Variants in PRICKLE1 observed in about 807,000 individuals in gnomAD.
PRICKLE1 encodes prickle-like protein 1.
PRICKLE1 carries 14 observed loss-of-function variants against 70.2 expected under a neutral mutation model. That is an observed-to-expected ratio of 0.20 (90% CI 0.13 to 0.31). The LOEUF is 0.31. PRICKLE1 is among the 10% of genes least tolerant of loss of function. The probability of loss-of-function intolerance (pLI) is 1.00; values close to 1 mark genes in which losing one functional copy is unlikely to be tolerated. For synonymous variants in PRICKLE1, 357 were observed against 379.9 expected (o/e 0.94, Z 0.70); for missense variants, 821 against 1,026.2 (o/e 0.80, Z 2.73).
intron 1 of PRICKLE1, among the ~76,000 whole-genome samples, chr12:42,522,489 C>A (rs1593153385): frequency 6.6e-6 from 1 of 152,042 alleles, no homozygotes; most frequent in East Asian, 1.9e-4. Flanking sequence ...GCAAGAGAAC[C>A]AGATCAAATC....
chr12:42,508,705 C>A (rs1182656859), intron 1 of PRICKLE1, among the ~76,000 whole-genome samples: 1 of 152,044 alleles, frequency 6.6e-6, no homozygotes, highest in Non-Finnish European at 1.5e-5. Flanking sequence ...AGACAGGTAC[C>A]AGAAGCAGTG....
intron 1 of PRICKLE1, among the ~76,000 whole-genome samples, chr12:42,493,513 C>T (rs960479344): frequency 1.3e-5 from 2 of 152,146 alleles, no homozygotes; most frequent in Admixed American, 1.3e-4. Flanking sequence ...GCCTGAATTT[C>T]TAAATCATAT....
chr12:42,484,534 T>C (rs1938936089), intron 1 of PRICKLE1: 1 of 152,222 alleles, frequency 6.6e-6, no homozygotes, highest in African/African-American at 2.4e-5. Context: ...TTTCCCTGCA[T>C]TTCGGAGTGA....
At chr12:42,468,957 T>A in intron 4 of PRICKLE1, 128 bp from the exon 5 acceptor site, 2 of 854,050 alleles carry the variant, frequency 2.3e-6, no homozygotes, top group Non-Finnish European at 3.8e-6. Flanking sequence ...TTTTAGTGAT[T>A]AAATAGCTCT....
intron 1 of PRICKLE1, among the ~76,000 whole-genome samples, chr12:42,474,216 G>A (rs1315100138): frequency 6.6e-6 from 1 of 152,194 alleles, no homozygotes; most frequent in Admixed American, 6.5e-5. Flanking sequence ...AGGTTGCAGT[G>A]AGCTGAGATT....
intron 5 of PRICKLE1, among the ~76,000 whole-genome samples, chr12:42,467,317 A>G (rs1938135135): frequency 6.6e-6 from 1 of 152,008 alleles, no homozygotes; most frequent in African/African-American, 2.4e-5. Context: ...GGGTTTCACC[A>G]TGTTTGCCAG....
At chr12:42,515,521 C>T (rs1483504169) in intron 1 of PRICKLE1, among the ~76,000 whole-genome samples, 3 of 152,170 alleles carry the variant, frequency 2.0e-5, no homozygotes, top group Non-Finnish European at 2.9e-5. Flanking sequence ...ACGTGAGCCA[C>T]CGTGCCCAGC....
chr12:42,485,248 T>C lies in PRICKLE1; in HGVS notation c.-48-12684A>G, dbSNP rs930132205. On this transcript the variant is annotated intron_variant, in intron 1 of 7. Coordinates refer to ENST00000345127, the MANE Select transcript of PRICKLE1 (RefSeq NM_153026.3). ...GTAAGGCAGCTGAGAAGTTTTTTTT[T>C]TTTTTTTTTTTTTTTTTTTTTGTTA... The C allele has an allele frequency of 2.4e-5, 3 of 122,920 alleles. No individual in the cohort carries two copies. In the South Asian group the frequency reaches 8.2e-4, roughly 34 times the overall value. 7.6% of individuals were successfully genotyped at this position (122,920 alleles called of 1,614,324 possible).
At chr12:42,480,168 CATA>C (rs1437093319) in intron 1 of PRICKLE1, among the ~76,000 whole-genome samples, 3 of 152,190 alleles carry the variant, frequency 2.0e-5, no homozygotes, top group South Asian at 4.1e-4. Flanking sequence ...TCCCTGCTCT[CATA>C]ATGTTTTGAT....
Position 42,464,114 on chromosome 12 carries a change from T to C in PRICKLE1, c.1639+281A>G, listed in dbSNP as rs1262954604. Among the ~76,000 whole-genome samples, 2 of 152,028 alleles carry C rather than the reference T, an allele frequency of 1.3e-5. No homozygotes were observed. Among genetic ancestry groups the C allele is most frequent in the Non-Finnish European group, 2.9e-5 (2 of 68,004 alleles). ...CGCAATCTTGGCTCACTACAACCTCTGCCTCCTGGGTTCAAGCAATTCTCT... is the reference window on the plus strand; with the variant it reads ...CGCAATCTTGGCTCACTACAACCTCCGCCTCCTGGGTTCAAGCAATTCTCT... On this transcript the variant is annotated intron_variant, in intron 7 of 7. Transcript: ENST00000345127. The surrounding 1 kb of genome is among the most constrained non-coding windows in gnomAD (Gnocchi z 4.2).
intron 1 of PRICKLE1, among the ~76,000 whole-genome samples, chr12:42,490,848 ATTTC>A (rs1402957845): frequency 6.6e-6 from 1 of 152,022 alleles, no homozygotes; most frequent in African/African-American, 2.4e-5. Flanking sequence ...AAGGACTTAT[ATTTC>A]TAAGCTCAAA....
At chr12:42,475,005 C>T (rs541743821) in intron 1 of PRICKLE1, among the ~76,000 whole-genome samples, 68 of 152,346 alleles carry the variant, frequency 4.5e-4, no homozygotes, top group African/African-American at 1.6e-3. Context: ...TACAGCTGTA[C>T]TCCCTGATTA....
chr12:42,547,213 C>T (rs1405286751), intron 1 of PRICKLE1, among the ~76,000 whole-genome samples: 1 of 152,132 alleles, frequency 6.6e-6, no homozygotes, highest in South Asian at 2.1e-4. Context: ...CTACTTCAAA[C>T]CTTTACTGAG....
intron 7 of PRICKLE1, among the ~76,000 whole-genome samples, chr12:42,462,970 T>C (rs1222427290): frequency 6.6e-6 from 1 of 152,238 alleles, no homozygotes; most frequent in Non-Finnish European, 1.5e-5. Flanking sequence ...CCACTCTATA[T>C]AGCTCAGGGT....
At chr12:42,538,795 C>T (rs1940058553) in intron 1 of PRICKLE1, among the ~76,000 whole-genome samples, 1 of 152,062 alleles carries the variant, frequency 6.6e-6, no homozygotes, top group Non-Finnish European at 1.5e-5. Context: ...GTAAGTTTTC[C>T]TATCTTTAAG....
rs1941049565 is a variant in PRICKLE1 at position 42,589,708 on chromosome 12, C to G, written c.-292G>C. The G allele has an allele frequency of 6.6e-6, 1 of 150,594 alleles. No individual in the cohort carries two copies. The highest frequency in any genetic ancestry group is 1.5e-5 in the Non-Finnish European group (1 of 67,572). The allele number at this position is 150,594 out of a possible 1,614,324, so 9.3% of individuals were successfully genotyped here. A position where few individuals can be genotyped will look rare whatever the true frequency, so the allele number is the denominator to read the frequency against. On this transcript the variant is annotated 5_prime_UTR_variant, in exon 1 of 8. Coordinates refer to ENST00000345127, the MANE Select transcript of PRICKLE1 (RefSeq NM_153026.3). The surrounding 1 kb of genome is among the most constrained non-coding windows in gnomAD (Gnocchi z 5.0). Reference sequence around the variant, plus strand: ...GCGCGCTGTCGGGCGGCGGCGGCCGCGGGAGACGGCGCTGGCAGCTGGGCT... The same window carrying G: ...GCGCGCTGTCGGGCGGCGGCGGCCGGGGGAGACGGCGCTGGCAGCTGGGCT...
In PRICKLE1 at chr12:42,552,220, C is replaced by T. The variant is rs185236233; in HGVS notation, c.-49+37245G>A. Among the ~76,000 whole-genome samples the T allele has an allele frequency of 5.1e-3, 774 of 152,124 alleles. 9 individuals carry two copies. The highest frequency in any genetic ancestry group is 0.018 in the African/African-American group (728 of 41,508). ...TAGCTGGGACCACAGGTGCATGCCA[C>T]CACGCCCGGCTAATTTTTATATTTT... On this transcript the variant is annotated intron_variant, in intron 1 of 7. Coordinates refer to ENST00000345127, the MANE Select transcript of PRICKLE1 (RefSeq NM_153026.3).
intron 1 of PRICKLE1, among the ~76,000 whole-genome samples, chr12:42,479,780 A>G (rs1938723872): frequency 6.6e-6 from 1 of 151,924 alleles, no homozygotes; most frequent in African/African-American, 2.4e-5. Flanking sequence ...ACATGGTGAA[A>G]CCCCATCTCT....
At chr12:42,481,312 A>T (rs1201781821) in intron 1 of PRICKLE1, among the ~76,000 whole-genome samples, 5 of 152,228 alleles carry the variant, frequency 3.3e-5, no homozygotes, top group African/African-American at 1.2e-4. Context: ...ATTGAAAATG[A>T]AGTATAAGGT....
Sources: allele counts gnomAD v4.1 joint callset (sites outside exome capture counted in the v4.1 genomes callset), GRCh38; gene constraint gnomAD v4.1.1; non-coding constraint Gnocchi (gnomAD v3.1); transcripts MANE v1.5; gene names NCBI Gene and HGNC (gene_info 2026-07-23, HGNC 2026-07-21).